The following NDUFB5 variants were observed in gnomAD, a reference collection of about 807,000 sequenced individuals.
The protein encoded by NDUFB5 is NADH:ubiquinone oxidoreductase subunit B5.
In NDUFB5, 19 loss-of-function variants were observed where a neutral mutation model predicts 19.4. That is an observed-to-expected ratio of 0.98 (90% CI 0.68 to 1.43). NDUFB5 has a LOEUF of 1.43. NDUFB5 is among the 40% of genes most tolerant of loss of function. NDUFB5 has a pLI of 0.00. For missense variants in NDUFB5, 233 were observed against 236.5 expected, an observed-to-expected ratio of 0.99 and a Z score of 0.10; for synonymous variants, 80 against 82.6, an observed-to-expected ratio of 0.97 and a Z score of 0.17.
intron 1 of NDUFB5, among the ~76,000 whole-genome samples, chr3:179,613,041 AT>A (rs1719288668): frequency 6.6e-6 from 1 of 152,072 alleles, no homozygotes; most frequent in Non-Finnish European, 1.5e-5. Context: ...CACTTACCTT[AT>A]TATGTTGAAT....
intron 1 of NDUFB5, among the ~76,000 whole-genome samples, chr3:179,609,652 A>G (rs970001135): frequency 6.6e-6 from 1 of 152,018 alleles, no homozygotes; most frequent in Non-Finnish European, 1.5e-5. Context: ...TCTGTTTTTA[A>G]TTTTTTGAGG....
intron 1 of NDUFB5, chr3:179,607,786 T>A (rs1719142678): frequency 2.8e-6 from 2 of 702,848 alleles, no homozygotes; most frequent in Admixed American, 2.0e-5. Flanking sequence ...CTGCTGTCTT[T>A]ATGATTTTGA....
In NDUFB5 at chr3:179,621,999, G is replaced by A. The variant is rs149835016; in HGVS notation, c.450-1921G>A. Among the ~76,000 whole-genome samples, 5 of 151,896 alleles carry A rather than the reference G, an allele frequency of 3.3e-5. No individual in the cohort carries two copies. The East Asian group carries it at 5.8e-4, about 18-fold the overall frequency. On this transcript the variant is annotated intron_variant, in intron 5 of 5. Transcript: ENST00000259037. ...TTTTCTTTTTTTGAGACAGGATCTCGTTCTGTTGCCTCAGCTGGAGTGCAG... is the reference window on the plus strand; with the variant it reads ...TTTTCTTTTTTTGAGACAGGATCTCATTCTGTTGCCTCAGCTGGAGTGCAG...
chr3:179,617,094 C>T (rs751551959), intron 4 of NDUFB5, 50 bp downstream of exon 4: 3 of 1,345,552 alleles, frequency 2.2e-6, no homozygotes, highest in Non-Finnish European at 1.0e-6. Context: ...CTTGTCAACG[C>T]ACTAGTTAAT....
chr3:179,615,425 T>A, intron 2 of NDUFB5: 1 of 262,158 alleles, frequency 3.8e-6, no homozygotes, highest in Non-Finnish European at 7.8e-6. Flanking sequence ...TTTTGGGATA[T>A]GATTTTATAT....
chr3:179,613,235 A>G (rs944898511), intron 1 of NDUFB5, among the ~76,000 whole-genome samples: 1 of 151,934 alleles, frequency 6.6e-6, no homozygotes, highest in Non-Finnish European at 1.5e-5. Flanking sequence ...TTGCCAGGTT[A>G]CTGCAGTAAT....
At chr3:179,608,138 A>G (rs1441006183) in intron 1 of NDUFB5, among the ~76,000 whole-genome samples, 3 of 151,772 alleles carry the variant, frequency 2.0e-5, no homozygotes, top group Non-Finnish European at 4.4e-5. Flanking sequence ...ATTTCTTGCC[A>G]TCCAATAATG....
intron 5 of NDUFB5, among the ~76,000 whole-genome samples, chr3:179,623,410 C>T (rs1483906065): frequency 6.6e-6 from 1 of 152,194 alleles, no homozygotes; most frequent in East Asian, 1.9e-4. Flanking sequence ...CGGTGGCTCA[C>T]GCCTGTAATC....
intron 1 of NDUFB5, among the ~76,000 whole-genome samples, chr3:179,613,137 T>C (rs1409809326): frequency 6.6e-6 from 1 of 152,120 alleles, no homozygotes; most frequent in African/African-American, 2.4e-5. Flanking sequence ...TTTGTGTTTC[T>C]AAGACTCGAC....
intron 1 of NDUFB5, among the ~76,000 whole-genome samples, chr3:179,612,020 G>T (rs1391376646): frequency 6.6e-6 from 1 of 151,416 alleles, no homozygotes; most frequent in Non-Finnish European, 1.5e-5. Context: ...TAGCTATGTT[G>T]CTCAGGCTGA....
rs1221979741 is a variant in NDUFB5 at position 179,605,025 on chromosome 3, C to T, written c.124+86C>T. On this transcript the variant is annotated intron_variant, in intron 1 of 5. Coordinates refer to ENST00000259037, the MANE Select transcript of NDUFB5 (RefSeq NM_002492.4). The stretch of plus-strand genomic sequence containing the variant: ...GCTTCCAGGGTGACCTTGGTGGGAT[C>T]CGGAGGGAGCCGGGACAAGTTGTGG... The T allele has an allele frequency of 1.7e-5, 24 of 1,424,606 alleles. No homozygotes were observed. The Admixed American group carries it at 7.6e-4, about 45-fold the overall frequency. The allele number at this position is 1,424,606 out of a possible 1,614,324, so 88.2% of individuals were successfully genotyped here. A position where few individuals can be genotyped will look rare whatever the true frequency, so the allele number is the denominator to read the frequency against.
In NDUFB5 at chr3:179,625,793, C is replaced by G. The variant is rs545555131; in HGVS notation, c.*1753C>G. The stretch of plus-strand genomic sequence containing the variant: ...TCTCCCACATATGAGTGAGAACATT[C>G]AATATTTGTCTTTCTAGGCTTGGCT... On this transcript the variant is annotated 3_prime_UTR_variant, in exon 6 of 6. Transcript: ENST00000259037. 6.6e-6 allele frequency: 1 copy of G among 152,270 alleles called. No homozygotes were observed. Among genetic ancestry groups the G allele is most frequent in the Non-Finnish European group, 1.5e-5 (1 of 68,020 alleles). 9.4% of individuals were successfully genotyped at this position (152,270 alleles called of 1,614,324 possible). A position where few individuals can be genotyped will look rare whatever the true frequency, so the allele number is the denominator to read the frequency against.
intron 1 of NDUFB5, among the ~76,000 whole-genome samples, chr3:179,611,444 G>A (rs1218679114): frequency 1.3e-5 from 2 of 150,144 alleles, no homozygotes; most frequent in East Asian, 2.0e-4. Flanking sequence ...ACGGAGTCTC[G>A]CTCTGTCACC....
rs1001719111 is a variant in NDUFB5, at chr3:179,624,204, G to A, written c.*164G>A. Reference sequence around the variant, plus strand: ...TTTTGTTTGAGGAGTTTGGCTTCCAGTCCCCAAAGAAGGTTTAAAATGTAC... The same window carrying A: ...TTTTGTTTGAGGAGTTTGGCTTCCAATCCCCAAAGAAGGTTTAAAATGTAC... On this transcript the variant is annotated 3_prime_UTR_variant, in exon 6 of 6. Transcript: ENST00000259037. The A allele has an allele frequency of 9.0e-5, 49 of 542,906 alleles. No individual in the cohort carries two copies. Among genetic ancestry groups the A allele is most frequent in the African/African-American group, 8.7e-4 (40 of 45,782 alleles). The allele number at this position is 542,906 out of a possible 1,614,324, so 33.6% of individuals were successfully genotyped here. A position where few individuals can be genotyped will look rare whatever the true frequency, so the allele number is the denominator to read the frequency against.
chr3:179,613,751 T>C (rs770775606), intron 1 of NDUFB5, among the ~76,000 whole-genome samples: 2 of 152,218 alleles, frequency 1.3e-5, no homozygotes, highest in Non-Finnish European at 2.9e-5. Flanking sequence ...TGCAAGCTGC[T>C]GCAGATGTTA....
intron 5 of NDUFB5, among the ~76,000 whole-genome samples, chr3:179,623,008 A>G (rs1380682857): frequency 6.6e-6 from 1 of 152,122 alleles, no homozygotes; most frequent in African/African-American, 2.4e-5. Flanking sequence ...GTTGGAGAAT[A>G]TTTTTCTTAA....
At chr3:179,615,857 G>T in intron 2 of NDUFB5, 126 bp from the exon 3 acceptor site, 2 of 708,426 alleles carry the variant, frequency 2.8e-6, no homozygotes, top group Non-Finnish European at 4.9e-6. Flanking sequence ...TCAATAATTT[G>T]GTACTGTATG....
At chr3:179,605,458 T>C (rs1682020936) in intron 1 of NDUFB5, among the ~76,000 whole-genome samples, 1 of 152,094 alleles carries the variant, frequency 6.6e-6, no homozygotes, top group Non-Finnish European at 1.5e-5. Context: ...GTTTTTGTTT[T>C]GTTTTGTTTT....
At chr3:179,612,716 G>T (rs1180597732) in intron 1 of NDUFB5, among the ~76,000 whole-genome samples, 1 of 151,748 alleles carries the variant, frequency 6.6e-6, no homozygotes, top group African/African-American at 2.4e-5. Context: ...GATCTCGTGA[G>T]CCGCCCGCCT....
Sources: gnomAD v4.1 joint callset for allele counts (sites outside exome capture counted in the v4.1 genomes callset) on GRCh38, gnomAD v4.1.1 for gene constraint, MANE v1.5 for transcripts, NCBI Gene and HGNC (gene_info 2026-07-23, HGNC 2026-07-21) for gene names.